TMEM132D: variants seen among roughly 807,000 people sequenced by gnomAD.
TMEM132D encodes the protein transmembrane protein 132D, also known as mature OL transmembrane protein.
In TMEM132D, 21 loss-of-function variants were observed where a neutral mutation model predicts 62.3. The ratio of observed to expected loss-of-function variants is 0.34; its 90% confidence interval spans 0.24 to 0.49. TMEM132D has a LOEUF of 0.49. Ranked by LOEUF, TMEM132D falls within the 20% of genes least tolerant of loss-of-function variation. TMEM132D has a pLI of 0.99. For synonymous variants in TMEM132D, 621 were observed against 575.6 expected, an observed-to-expected ratio of 1.08 and a Z score of -1.13; for missense variants, 1,346 against 1,402.8, an observed-to-expected ratio of 0.96 and a Z score of 0.65.
chr12:129,612,493 G>C (rs576649938), intron 2 of TMEM132D, among the ~76,000 whole-genome samples: 1 of 152,096 alleles, frequency 6.6e-6, no homozygotes, highest in East Asian at 1.9e-4. Context: ...TGATTTCTTC[G>C]ACAGGGCAAT....
At chr12:129,632,686 A>G (rs1156797573) in intron 2 of TMEM132D, among the ~76,000 whole-genome samples, 5 of 152,104 alleles carry the variant, frequency 3.3e-5, no homozygotes, top group African/African-American at 1.2e-4. Context: ...AATCCTACCC[A>G]ACTGTCAAAG....
At chr12:129,464,651 A>C (rs1417845647) in intron 3 of TMEM132D, among the ~76,000 whole-genome samples, 5 of 152,200 alleles carry the variant, frequency 3.3e-5, no homozygotes, top group East Asian at 1.9e-4. Flanking sequence ...TTTTTGTATA[A>C]GGTGTAAGGA....
intron 1 of TMEM132D, among the ~76,000 whole-genome samples, chr12:129,700,912 T>C (rs1415327628): frequency 6.6e-6 from 1 of 152,240 alleles, no homozygotes; most frequent in Non-Finnish European, 1.5e-5. Flanking sequence ...ACCAGTATCA[T>C]TTAACCTATA....
intron 5 of TMEM132D, among the ~76,000 whole-genome samples, chr12:129,119,246 T>C (rs780824713): frequency 2.2e-4 from 33 of 152,228 alleles, no homozygotes; most frequent in Non-Finnish European, 3.4e-4. Flanking sequence ...CACGTAGATA[T>C]ACTGTGTAGT....
rs1157434890 is a variant in TMEM132D, at chr12:129,074,765, G to C, written c.2410C>G (p.Pro804Ala). Residue 804 changes from proline to alanine, a missense_variant, in exon 9 of 9, where the codon CCC (proline) becomes GCC (alanine). Coordinates refer to ENST00000422113, the MANE Select transcript of TMEM132D (RefSeq NM_133448.3). Reference protein sequence around the residue: ...KVKFGQNDANPNTSDSRHTGA... With the variant: ...KVKFGQNDANANTSDSRHTGA... Reference sequence around the variant, plus strand: ...GTGTGTCTGCTGTCACTGGTGTTGGGGTTAGCATCGTTTTGGCCAAATTTA... The same window carrying C: ...GTGTGTCTGCTGTCACTGGTGTTGGCGTTAGCATCGTTTTGGCCAAATTTA... 1.2e-6 allele frequency: 2 copies of C among 1,613,956 alleles called. No individual in the cohort carries two copies. The highest frequency in any genetic ancestry group is 1.7e-6 in the Non-Finnish European group (2 of 1,179,996).
chr12:129,680,696 G>T (rs567272540), intron 2 of TMEM132D, among the ~76,000 whole-genome samples: 2 of 152,134 alleles, frequency 1.3e-5, no homozygotes, highest in African/African-American at 4.8e-5. Flanking sequence ...CTTTAGTATC[G>T]GTAAGTAGTT....
rs551769095 is a variant in TMEM132D, at chr12:129,507,080, T to C, written c.1115+23979A>G. On this transcript the variant is annotated intron_variant, in intron 3 of 8. Transcript: ENST00000422113. ...TAGAAAATTCTCAAAGGAAGATATA[T>C]AGATGGCCAACAAACATATGAAAAA... Among the ~76,000 whole-genome samples, 8 of 152,024 alleles carry C rather than the reference T, an allele frequency of 5.3e-5. No individual in the cohort carries two copies. The East Asian group carries it at 1.5e-3, about 29-fold the overall frequency.
intron 4 of TMEM132D, among the ~76,000 whole-genome samples, chr12:129,239,636 G>C (rs966091452): frequency 6.6e-6 from 1 of 152,196 alleles, no homozygotes; most frequent in African/African-American, 2.4e-5. Flanking sequence ...CGGAAGCAGA[G>C]AGAATGCCAT....
At chr12:129,613,305 G>A (rs11060464) in intron 2 of TMEM132D, among the ~76,000 whole-genome samples, 41,718 of 151,872 alleles carry the variant, frequency 0.27, 6,075 homozygotes, top group Admixed American at 0.41. Context: ...GATAAACCCC[G>A]AATTCCTGCA....
chr12:129,093,286 C>T (rs1874991466), intron 5 of TMEM132D, among the ~76,000 whole-genome samples: 1 of 152,120 alleles, frequency 6.6e-6, no homozygotes, highest in Non-Finnish European at 1.5e-5. Context: ...TAGAAAACCC[C>T]ATCGTCTCAG....
intron 4 of TMEM132D, among the ~76,000 whole-genome samples, chr12:129,241,317 A>G (rs953984200): frequency 6.6e-6 from 1 of 152,202 alleles, no homozygotes; most frequent in African/African-American, 2.4e-5. Flanking sequence ...ATGCAACGGC[A>G]TAAAACAAAT....
At chr12:129,317,634 T>C (rs1868528959) in intron 4 of TMEM132D, among the ~76,000 whole-genome samples, 1 of 152,196 alleles carries the variant, frequency 6.6e-6, no homozygotes. Context: ...TGAAGATCTT[T>C]TGGCCATGAA....
intron 4 of TMEM132D, among the ~76,000 whole-genome samples, chr12:129,210,740 A>G (rs985188788): frequency 1.3e-5 from 2 of 152,140 alleles, no homozygotes; most frequent in African/African-American, 4.8e-5. Flanking sequence ...GAATGGTGTT[A>G]ATGTTTGTCA....
intron 1 of TMEM132D, among the ~76,000 whole-genome samples, chr12:129,814,800 C>T (rs1208817289): frequency 6.6e-6 from 1 of 152,010 alleles, no homozygotes; most frequent in East Asian, 1.9e-4. Context: ...TTTTCCTCCT[C>T]CCAGGACTGT....
intron 1 of TMEM132D, among the ~76,000 whole-genome samples, chr12:129,754,540 T>C (rs1314744027): frequency 6.6e-6 from 1 of 151,788 alleles, no homozygotes; most frequent in Admixed American, 6.6e-5. Context: ...GAAGATGGGG[T>C]TCTTGGATGA....
At chr12:129,151,437 G>A (rs980235828) in intron 5 of TMEM132D, among the ~76,000 whole-genome samples, 13 of 152,312 alleles carry the variant, frequency 8.5e-5, no homozygotes, top group Middle Eastern at 3.4e-3. Flanking sequence ...GGCTGGGAGC[G>A]GCTGACCCTC....
At position 129,143,155 on chromosome 12, in the gene TMEM132D, A is replaced by G. The variant is rs146512125; in HGVS notation, c.1444-58453T>C. Among the ~76,000 whole-genome samples, 943 of 152,190 alleles carry G rather than the reference A, an allele frequency of 6.2e-3. 31 individuals carry two copies. Among genetic ancestry groups the G allele is most frequent in the Admixed American group, 0.051 (776 of 15,284 alleles). ...TGTCCTCTCCTTCCCACCAGTGGCA[A>G]GTCTGGTCCTCTAGAACTTCTGATT... On this transcript the variant is annotated intron_variant, in intron 5 of 8. Coordinates refer to ENST00000422113, the MANE Select transcript of TMEM132D (RefSeq NM_133448.3).
At chr12:129,730,036 C>A (rs889256854) in intron 1 of TMEM132D, among the ~76,000 whole-genome samples, 1 of 152,214 alleles carries the variant, frequency 6.6e-6, no homozygotes, top group Non-Finnish European at 1.5e-5. Flanking sequence ...GCCCACCACA[C>A]TTTGCTGACT....
At chr12:129,775,747 T>C (rs1476217366) in intron 1 of TMEM132D, among the ~76,000 whole-genome samples, 2 of 152,198 alleles carry the variant, frequency 1.3e-5, no homozygotes, top group Admixed American at 1.3e-4. Flanking sequence ...CCCCTCCTCC[T>C]ACACTCTGTC....
Sources: gnomAD v4.1 joint callset for allele counts (sites outside exome capture counted in the v4.1 genomes callset) on GRCh38, gnomAD v4.1.1 for gene constraint, MANE v1.5 for transcripts, NCBI Gene and HGNC (gene_info 2026-07-23, HGNC 2026-07-21) for gene names.